The following EBF3 variants were observed in gnomAD, a reference collection of about 807,000 sequenced individuals.
The protein encoded by EBF3 is EBF transcription factor 3.
Under a neutral mutation model 77.1 loss-of-function variants are expected in EBF3, and 18 were observed. The ratio of observed to expected loss-of-function variants is 0.23; its 90% confidence interval spans 0.16 to 0.35. The LOEUF (loss-of-function observed/expected upper bound fraction) is 0.35, where lower values mean the gene tolerates loss of function less well. Among genes scored for constraint, EBF3 ranks in the 10% least tolerant of loss-of-function variants. The pLI, the probability that EBF3 is intolerant of heterozygous loss-of-function variation, is 1.00. For synonymous variants in EBF3, 350 were observed against 343.5 expected, an observed-to-expected ratio of 1.02 and a Z score of -0.21; for missense variants, 558 against 860.0, an observed-to-expected ratio of 0.65 and a Z score of 4.39.
intron 9 of EBF3, 141 bp downstream of exon 9, chr10:129,867,641 C>T: frequency 5.7e-6 from 8 of 1,414,428 alleles, no homozygotes; most frequent in Non-Finnish European, 7.6e-6. Flanking sequence ...ACGGGAGAAG[C>T]TGCTGCCACA....
rs747742929 is a variant in EBF3 at position 129,842,313 on chromosome 10, G to A, written c.1195-20C>T. The A allele has an allele frequency of 1.9e-6, 3 of 1,558,530 alleles. No individual in the cohort carries two copies. Among genetic ancestry groups the A allele is most frequent in the Non-Finnish European group, 8.7e-7 (1 of 1,150,862 alleles). On this transcript the variant is annotated intron_variant, in intron 12 of 16. Coordinates refer to ENST00000440978, the MANE Select transcript of EBF3 (RefSeq NM_001375380.1). The surrounding 1 kb of genome is among the most constrained non-coding windows in gnomAD (Gnocchi z 4.4). The stretch of plus-strand genomic sequence containing the variant: ...GATCTCCTGCAGCAGGAGCAAGTGG[G>A]AGCCGGCCTGTCACCCCAGGCCCGG...
chr10:129,963,781 C>A lies in EBF3; in HGVS notation c.-13G>T. ...GAATCCCAAACATGAAAACTGCTGG[C>A]GGCGGCCGCAGCTCCCGGCCGAAAG... On this transcript the variant is annotated 5_prime_UTR_variant, in exon 1 of 17. Coordinates refer to ENST00000440978, the MANE Select transcript of EBF3 (RefSeq NM_001375380.1). This position sits in a 1 kb window ranked among gnomAD's most constrained non-coding sequence, Gnocchi z 7.1. 1.3e-6 allele frequency: 2 copies of A among 1,500,608 alleles called. No individual in the cohort carries two copies. Among genetic ancestry groups the A allele is most frequent in the South Asian group, 2.3e-5 (2 of 86,736 alleles). 93.0% of individuals were successfully genotyped at this position (1,500,608 alleles called of 1,614,324 possible). A position where few individuals can be genotyped will look rare whatever the true frequency, so the allele number is the denominator to read the frequency against.
At chr10:129,917,267 G>T (rs1195908055) in intron 6 of EBF3, among the ~76,000 whole-genome samples, 3 of 152,158 alleles carry the variant, frequency 2.0e-5, no homozygotes, top group African/African-American at 7.2e-5. Context: ...TACTTGGAAG[G>T]CTGAGGCAGA....
rs527721025 is a variant in EBF3 at position 129,911,585 on chromosome 10, T to C, written c.555-33736A>G. The stretch of plus-strand genomic sequence containing the variant: ...AGAAAAGGCATCCACCTGCCTCAGC[T>C]GCTCCAGCCTCCTTGGTGGGCACGG... On this transcript the variant is annotated intron_variant, in intron 6 of 16. Coordinates refer to ENST00000440978, the MANE Select transcript of EBF3 (RefSeq NM_001375380.1). 3.2e-3 allele frequency among the ~76,000 whole-genome samples: 485 copies of C among 152,234 alleles called. 4 individuals are homozygous for C. The highest frequency in any genetic ancestry group is 0.015 in the South Asian group (71 of 4,812).
Position 129,952,982 on chromosome 10 carries a change from C to T in EBF3, c.554+4276G>A, listed in dbSNP as rs1267116912. On this transcript the variant is annotated intron_variant, in intron 6 of 16. Coordinates refer to ENST00000440978, the MANE Select transcript of EBF3 (RefSeq NM_001375380.1). This position sits in a 1 kb window ranked among gnomAD's most constrained non-coding sequence, Gnocchi z 4.7. Reference sequence around the variant, plus strand: ...AGTGAGCAGGACTGCCAGCAAAGGTCGGCTCTCTTTGACCTTTGTGACAGG... The same window carrying T: ...AGTGAGCAGGACTGCCAGCAAAGGTTGGCTCTCTTTGACCTTTGTGACAGG... 6.8e-6 allele frequency among the ~76,000 whole-genome samples: 1 copy of T among 148,000 alleles called. No individual in the cohort carries two copies. Among genetic ancestry groups the T allele is most frequent in the East Asian group, 2.0e-4 (1 of 5,006 alleles).
At chr10:129,852,815 A>G (rs1018823567) in intron 10 of EBF3, among the ~76,000 whole-genome samples, 4 of 152,192 alleles carry the variant, frequency 2.6e-5, no homozygotes, top group African/African-American at 9.6e-5. Context: ...TTCCTGCACC[A>G]AACATTTTAT....
rs115520558 is a variant in EBF3 at position 129,884,374 on chromosome 10, T to C, written c.555-6525A>G. 7.1e-4 allele frequency among the ~76,000 whole-genome samples: 108 copies of C among 152,348 alleles called. 1 individual carries two copies. The highest frequency in any genetic ancestry group is 2.5e-3 in the African/African-American group (104 of 41,598). On this transcript the variant is annotated intron_variant, in intron 6 of 16. Coordinates refer to ENST00000440978, the MANE Select transcript of EBF3 (RefSeq NM_001375380.1). ...GTCAATACGTATTGGATTTCCAAAATGCGAGGGTCTTAATGTCAGGCCTCT... is the reference window on the plus strand; with the variant it reads ...GTCAATACGTATTGGATTTCCAAAACGCGAGGGTCTTAATGTCAGGCCTCT...
rs1857263952 is a variant in EBF3, at chr10:129,935,067, T to C, written c.554+22191A>G. On this transcript the variant is annotated intron_variant, in intron 6 of 16. Coordinates refer to ENST00000440978, the MANE Select transcript of EBF3 (RefSeq NM_001375380.1). The surrounding 1 kb of genome is among the most constrained non-coding windows in gnomAD (Gnocchi z 4.2). Reference sequence around the variant, plus strand: ...TACATCCCAAATATCTCATGGGATGTACTCATCCTAACACATTAGCTGTAG... The same window carrying C: ...TACATCCCAAATATCTCATGGGATGCACTCATCCTAACACATTAGCTGTAG... Among the ~76,000 whole-genome samples, 1 of 152,180 alleles carries C rather than the reference T, an allele frequency of 6.6e-6. No individual in the cohort carries two copies. The highest frequency in any genetic ancestry group is 1.5e-5 in the Non-Finnish European group (1 of 68,032).
rs398054868 is a variant in EBF3, at chr10:129,835,848, G to GA, written c.*2094dup. 21,427 of 137,480 alleles carry GA rather than the reference G, an allele frequency of 0.16. 1,587 individuals are homozygous for GA. Among genetic ancestry groups the GA allele is most frequent in the East Asian group, 0.26 (1,254 of 4,826 alleles). The allele number at this position is 137,480 out of a possible 1,614,324, so 8.5% of individuals were successfully genotyped here. On this transcript the variant is annotated 3_prime_UTR_variant, in exon 17 of 17. Coordinates refer to ENST00000440978, the MANE Select transcript of EBF3 (RefSeq NM_001375380.1). ...CAAAGCACTTAGTGCAAAGGAGAAA[G>GA]AAAAAAAAAAAAACACCTGACACTT...
Position 129,900,107 on chromosome 10 carries a change from T to C in EBF3, c.555-22258A>G, listed in dbSNP as rs141968399. Among the ~76,000 whole-genome samples the C allele has an allele frequency of 2.1e-4, 32 of 152,342 alleles. 2 individuals are homozygous for C. In the East Asian group the frequency reaches 5.2e-3, roughly 25 times the overall value. On this transcript the variant is annotated intron_variant, in intron 6 of 16. Transcript: ENST00000440978. ...CTCTTTGCTGACTCCGGTGTTTCCA[T>C]GTTCATGCTCCTATGTGCTCTTCTT...
rs564936289 is a variant in EBF3 at position 129,943,654 on chromosome 10, T to C, written c.554+13604A>G. On this transcript the variant is annotated intron_variant, in intron 6 of 16. Transcript: ENST00000440978. This position sits in a 1 kb window ranked among gnomAD's most constrained non-coding sequence, Gnocchi z 8.8. ...CCAAAGTTTGAGTGTGTGAGACTTTTCCTCATTTATTTTCCTTCAGACATT... is the reference window on the plus strand; with the variant it reads ...CCAAAGTTTGAGTGTGTGAGACTTTCCCTCATTTATTTTCCTTCAGACATT... 7.2e-5 allele frequency among the ~76,000 whole-genome samples: 11 copies of C among 152,110 alleles called. No individual in the cohort carries two copies. The South Asian group carries it at 2.3e-3, about 32-fold the overall frequency.
Position 129,842,044 on chromosome 10 carries a change from C to A in EBF3, c.1372+72G>T. On this transcript the variant is annotated intron_variant, in intron 13 of 16. Transcript: ENST00000440978. This position sits in a 1 kb window ranked among gnomAD's most constrained non-coding sequence, Gnocchi z 4.4. ...TCCCCAGCTGGCCCTGGACACGTGC[C>A]TCTTCAGCTAAGGCCTCAACCAACC... The A allele has an allele frequency of 6.3e-7, 1 of 1,595,654 alleles. No homozygotes were observed. Among genetic ancestry groups the A allele is most frequent in the Non-Finnish European group, 8.6e-7 (1 of 1,166,994 alleles).
intron 6 of EBF3, among the ~76,000 whole-genome samples, chr10:129,939,812 T>C (rs944000109): frequency 4.4e-4 from 67 of 152,370 alleles, no homozygotes; most frequent in African/African-American, 1.4e-3. Context: ...AAGTTATTTA[T>C]AGCCCAGGAA....
At chr10:129,913,127 T>C (rs1178589280) in intron 6 of EBF3, among the ~76,000 whole-genome samples, 1 of 152,262 alleles carries the variant, frequency 6.6e-6, no homozygotes, top group Non-Finnish European at 1.5e-5. Context: ...TAGGCATTTT[T>C]CTCTTGCCTG....
rs1850600235 is a variant in EBF3 at position 129,848,082 on chromosome 10, T to C, written c.1128+310A>G. On this transcript the variant is annotated intron_variant, in intron 11 of 16. Coordinates refer to ENST00000440978, the MANE Select transcript of EBF3 (RefSeq NM_001375380.1). This position sits in a 1 kb window ranked among gnomAD's most constrained non-coding sequence, Gnocchi z 4.4. ...ATTGAACTATTTCATTACGCGGAAG[T>C]TTATGTCCCCCTCACAGAATCCAAA... 6.6e-6 allele frequency among the ~76,000 whole-genome samples: 1 copy of C among 152,176 alleles called. No homozygotes were observed. The highest frequency in any genetic ancestry group is 2.1e-4 in the South Asian group (1 of 4,830).
intron 6 of EBF3, among the ~76,000 whole-genome samples, chr10:129,901,905 A>C (rs1259254335): frequency 6.6e-6 from 1 of 152,234 alleles, no homozygotes; most frequent in African/African-American, 2.4e-5. Context: ...GGCCAGATGG[A>C]AAATCACAAT....
In EBF3 at chr10:129,843,304, C is replaced by T. The variant is rs770276080; in HGVS notation, c.1129-102G>A. 1.8e-5 allele frequency: 22 copies of T among 1,223,852 alleles called. 1 individual carries two copies. The highest frequency in any genetic ancestry group is 4.1e-5 in the South Asian group (3 of 73,958). 75.8% of individuals were successfully genotyped at this position (1,223,852 alleles called of 1,614,324 possible). A position where few individuals can be genotyped will look rare whatever the true frequency, so the allele number is the denominator to read the frequency against. On this transcript the variant is annotated intron_variant, in intron 11 of 16. Coordinates refer to ENST00000440978, the MANE Select transcript of EBF3 (RefSeq NM_001375380.1). ...CTGCGGGTGTGGAGACCAGTCCCCA[C>T]CCACAGCGACCCGTCCTGGCCCTGC... is the stretch of plus-strand genomic sequence containing the variant.
chr10:129,884,172 G>A (rs1853408397), intron 6 of EBF3, among the ~76,000 whole-genome samples: 1 of 152,194 alleles, frequency 6.6e-6, no homozygotes, highest in Non-Finnish European at 1.5e-5. Context: ...GGCCACAGCT[G>A]TGGTGTGTGC....
intron 16 of EBF3, 127 bp from the exon 17 acceptor site, chr10:129,838,087 A>T: frequency 8.6e-7 from 1 of 1,165,946 alleles, no homozygotes; most frequent in Non-Finnish European, 1.2e-6. Flanking sequence ...AGTTCCGTCC[A>T]CCAGCCTCGG....
Sources: allele counts gnomAD v4.1 joint callset (sites outside exome capture counted in the v4.1 genomes callset), GRCh38; gene constraint gnomAD v4.1.1; non-coding constraint Gnocchi (gnomAD v3.1); transcripts MANE v1.5; gene names NCBI Gene and HGNC (gene_info 2026-07-23, HGNC 2026-07-21).